LFNG: variants seen among roughly 807,000 people sequenced by gnomAD.
The protein encoded by LFNG is beta-1,3-N-acetylglucosaminyltransferase lunatic fringe.
Under a neutral mutation model 32.7 loss-of-function variants are expected in LFNG, and 15 were observed. That is an observed-to-expected ratio of 0.46 (90% CI 0.31 to 0.71). The LOEUF (loss-of-function observed/expected upper bound fraction) is 0.71. Among genes scored for constraint, LFNG ranks in the 30% least tolerant of loss-of-function variants. The pLI is 0.06. For missense variants in LFNG, 520 were observed against 545.7 expected, an observed-to-expected ratio of 0.95 and a Z score of 0.47; for synonymous variants, 274 against 246.8, an observed-to-expected ratio of 1.11 and a Z score of -1.03.
upstream of LFNG, chr7:2,518,478 G>T: frequency 1.2e-6 from 1 of 857,706 alleles, no homozygotes; most frequent in South Asian, 1.3e-5. Context: ...GAGAGGGTCT[G>T]ACAGTGGGGC....
At position 2,527,472 on chromosome 7, in the gene LFNG, G is replaced by C; in HGVS notation, c.*260G>C. 1 of 1,406,164 alleles carries C rather than the reference G, an allele frequency of 7.1e-7. No homozygotes were observed. Among genetic ancestry groups the C allele is most frequent in the South Asian group, 1.5e-5 (1 of 67,054 alleles). 87.1% of individuals were successfully genotyped at this position (1,406,164 alleles called of 1,614,324 possible). A position where few individuals can be genotyped will look rare whatever the true frequency, so the allele number is the denominator to read the frequency against. On this transcript the variant is annotated 3_prime_UTR_variant, in exon 8 of 8. Coordinates refer to ENST00000222725, the MANE Select transcript of LFNG (RefSeq NM_001040167.2). This position sits in a 1 kb window ranked among gnomAD's most constrained non-coding sequence, Gnocchi z 4.4. ...CAGTGGGCTGCAGGGCCTGCTTGGA[G>C]GAAGGATTTGTGTGTCGGAGGCCAC...
Position 2,526,732 on chromosome 7 carries a change from G to A in LFNG, c.988-104G>A. ...CAGGTGTCCTTCCAGGTCCAAGGGA[G>A]GCCAGGGCAGGGCCGTTGCCTCACT... is the stretch of plus-strand genomic sequence containing the variant. On this transcript the variant is annotated intron_variant, in intron 6 of 7. Transcript: ENST00000222725. This position sits in a 1 kb window ranked among gnomAD's most constrained non-coding sequence, Gnocchi z 6.9. 5 of 1,068,614 alleles carry A rather than the reference G, an allele frequency of 4.7e-6. No homozygotes were observed. The highest frequency in any genetic ancestry group is 7.2e-6 in the Non-Finnish European group (5 of 698,644). The allele number at this position is 1,068,614 out of a possible 1,614,324, so 66.2% of individuals were successfully genotyped here.
At chr7:2,524,258 C>T (rs1159229801) in intron 1 of LFNG, among the ~76,000 whole-genome samples, 2 of 152,206 alleles carry the variant, frequency 1.3e-5, no homozygotes, top group African/African-American at 4.8e-5. Flanking sequence ...GTCCCTCCCG[C>T]CACCCCGCCT....
rs1779758148 is a variant in LFNG, at chr7:2,520,387, A to AT, written c.432+95dup. 1 of 1,170,352 alleles carries AT rather than the reference A, an allele frequency of 8.5e-7. No individual in the cohort carries two copies. The highest frequency in any genetic ancestry group is 1.2e-6 in the Non-Finnish European group (1 of 830,874). 72.5% of individuals were successfully genotyped at this position (1,170,352 alleles called of 1,614,324 possible). On this transcript the variant is annotated intron_variant, in intron 1 of 7. Coordinates refer to ENST00000222725, the MANE Select transcript of LFNG (RefSeq NM_001040167.2). The surrounding 1 kb of genome is among the most constrained non-coding windows in gnomAD (Gnocchi z 5.0). ...CAGTGTCCCATGGGAGTCAGGCTGC[A>AT]TCCCCATCCAGCCACTAGGGCCATC...
chr7:2,517,181 G>A (rs572895565), upstream of LFNG, among the ~76,000 whole-genome samples: 2 of 152,306 alleles, frequency 1.3e-5, no homozygotes, highest in African/African-American at 2.4e-5. Flanking sequence ...CTGGGGAAGC[G>A]GGCGGGGGTG....
At chr7:2,518,774 G>C (rs1280304436), upstream of LFNG, among the ~76,000 whole-genome samples, 1 of 152,170 alleles carries the variant, frequency 6.6e-6, no homozygotes, top group Admixed American at 6.5e-5. Context: ...AGCCGCCTCC[G>C]TCCACGCTTC....
rs1468105982 is a variant in LFNG at position 2,520,148 on chromosome 7, C to T, written c.287C>T (p.Pro96Leu). The T allele has an allele frequency of 9.0e-6, 13 of 1,443,948 alleles. No homozygotes were observed. The highest frequency in any genetic ancestry group is 1.2e-5 in the Non-Finnish European group (13 of 1,092,554). 89.4% of individuals were successfully genotyped at this position (1,443,948 alleles called of 1,614,324 possible). A position where few individuals can be genotyped will look rare whatever the true frequency, so the allele number is the denominator to read the frequency against. ...RDAGPPPGAA[P>L]RPADGHPRPL... is the part of the protein sequence containing the mutation. ...GCGGGCCCGCCGCCCGGGGCTGCCC[C>T]CCGCCCCGCCGACGGCCACCCGCGC... Residue 96 changes from proline to leucine, a missense_variant, in exon 1 of 8, where the codon CCC becomes CTC. Physicochemically the swap from Pro to Leu is moderately conservative, Grantham distance 98 (BLOSUM62 -3). Around this residue, in one of 3 missense-constraint regions of LFNG, gnomAD observed 360 missense variants for 354.7 expected, o/e 1.01. Coordinates refer to ENST00000222725, the MANE Select transcript of LFNG (RefSeq NM_001040167.2). The surrounding 1 kb of genome is among the most constrained non-coding windows in gnomAD (Gnocchi z 5.0).
intron 1 of LFNG, among the ~76,000 whole-genome samples, chr7:2,524,276 G>C (rs951116421): frequency 5.3e-5 from 8 of 152,070 alleles, no homozygotes; most frequent in African/African-American, 1.9e-4. Context: ...CCTGTCCCCC[G>C]CCTTTCCAGC....
Position 2,520,907 on chromosome 7 carries a change from G to A in LFNG, c.432+614G>A, listed in dbSNP as rs1327674133. On this transcript the variant is annotated intron_variant, in intron 1 of 7. Transcript: ENST00000222725. The surrounding 1 kb of genome is among the most constrained non-coding windows in gnomAD (Gnocchi z 5.0). ...GCAACCTTGGGCACAGCCCACTTCA[G>A]TTGGGCATCAGCTTCTTACACACAC... 1.3e-5 allele frequency among the ~76,000 whole-genome samples: 2 copies of A among 152,210 alleles called. No individual in the cohort carries two copies. Among genetic ancestry groups the A allele is most frequent in the Admixed American group, 1.3e-4 (2 of 15,284 alleles).
chr7:2,522,369 G>A (rs563307224), intron 1 of LFNG, among the ~76,000 whole-genome samples: 10 of 152,334 alleles, frequency 6.6e-5, no homozygotes, highest in Admixed American at 1.3e-4. Context: ...GGGTCGGTTG[G>A]TCAGCAGGGG....
exon 1 of LFNG, chr7:2,512,694 T>G (rs755211617): frequency 1.2e-6 from 2 of 1,613,760 alleles, no homozygotes; most frequent in Non-Finnish European, 1.7e-6. Context: ...GGACACGTAT[T>G]GTATGAGGTG....
chr7:2,528,404 G>C lies in LFNG; in HGVS notation c.*1192G>C, dbSNP rs762101666. 5.7e-5 allele frequency: 56 copies of C among 987,576 alleles called. 1 individual carries two copies. The highest frequency in any genetic ancestry group is 6.6e-5 in the Non-Finnish European group (55 of 830,962). 61.2% of individuals were successfully genotyped at this position (987,576 alleles called of 1,614,324 possible). On this transcript the variant is annotated 3_prime_UTR_variant, in exon 8 of 8. Coordinates refer to ENST00000222725, the MANE Select transcript of LFNG (RefSeq NM_001040167.2). ...GTTGCTATGGTGACGTCCTTTTGCT[G>C]TGAATAAAGGTGCTCTTTGCAGCAA...
chr7:2,516,398 C>CG (rs902769912), upstream of LFNG, among the ~76,000 whole-genome samples: 5 of 152,304 alleles, frequency 3.3e-5, no homozygotes, highest in African/African-American at 1.2e-4. Flanking sequence ...AGGAACAGCC[C>CG]GGGGGAGGGA....
chr7:2,521,343 G>T (rs1311263857), intron 1 of LFNG, among the ~76,000 whole-genome samples: 2 of 152,156 alleles, frequency 1.3e-5, no homozygotes, highest in Non-Finnish European at 2.9e-5. Flanking sequence ...GGGAGGGGGC[G>T]GCGGGGGCCG....
At chr7:2,528,882 A>C (rs1780075523), downstream of LFNG, 1 of 567,096 alleles carries the variant, frequency 1.8e-6, no homozygotes, top group African/African-American at 2.0e-5. Context: ...AGGTGGGGAA[A>C]CTGAGGCACG....
chr7:2,526,952 G>C lies in LFNG; in HGVS notation c.1073+31G>C, dbSNP rs777746817. On this transcript the variant is annotated intron_variant, in intron 7 of 7. Coordinates refer to ENST00000222725, the MANE Select transcript of LFNG (RefSeq NM_001040167.2). The surrounding 1 kb of genome is among the most constrained non-coding windows in gnomAD (Gnocchi z 6.9). ...GAAACCCCGGCCCAGATGGGCTTGC[G>C]TAGGGTGGCCTAGGGGCGTCAGGGG... 2 of 1,602,710 alleles carry C rather than the reference G, an allele frequency of 1.2e-6. No individual in the cohort carries two copies. The highest frequency in any genetic ancestry group is 3.4e-5 in the Admixed American group (2 of 59,694).
In LFNG at chr7:2,524,785, T is replaced by C. The variant is rs750756413; in HGVS notation, c.481+42T>C. 23 of 1,535,536 alleles carry C rather than the reference T, an allele frequency of 1.5e-5. No individual in the cohort carries two copies. The South Asian group carries it at 1.5e-4, about 10-fold the overall frequency. ...GGGCGGGAGGGGGCCCAGGCCTCCATCCAGAGCCGAACGCTCCCCCTCCAG... is the reference window on the plus strand; with the variant it reads ...GGGCGGGAGGGGGCCCAGGCCTCCACCCAGAGCCGAACGCTCCCCCTCCAG... On this transcript the variant is annotated intron_variant, in intron 2 of 7. Transcript: ENST00000222725.
rs763736744 is a variant in LFNG at position 2,524,753 on chromosome 7, G to A, written c.481+10G>A. 5 of 1,581,312 alleles carry A rather than the reference G, an allele frequency of 3.2e-6. No homozygotes were observed. Among genetic ancestry groups the A allele is most frequent in the African/African-American group, 2.7e-5 (2 of 74,456 alleles). The stretch of plus-strand genomic sequence containing the variant: ...CTGGCCAGGCACACGGGTGAGCCCT[G>A]GACTTGGGGCGGGAGGGGGCCCAGG... On this transcript the variant is annotated intron_variant, in intron 2 of 7. Coordinates refer to ENST00000222725, the MANE Select transcript of LFNG (RefSeq NM_001040167.2).
chr7:2,517,841 A>G, upstream of LFNG: 1 of 1,229,760 alleles, frequency 8.1e-7, no homozygotes. Flanking sequence ...GCGGGACTTT[A>G]ACTCAGCCAG....
Sources: allele counts gnomAD v4.1 joint callset (sites outside exome capture counted in the v4.1 genomes callset), GRCh38; gene constraint gnomAD v4.1.1; regional missense constraint gnomAD v4.1.1; non-coding constraint Gnocchi (gnomAD v3.1); transcripts MANE v1.5; gene names NCBI Gene and HGNC (gene_info 2026-07-23, HGNC 2026-07-21).